NLK: variants seen among roughly 807,000 people sequenced by gnomAD.
NLK encodes serine/threonine-protein kinase NLK.
NLK carries 11 observed loss-of-function variants against 59.0 expected under a neutral mutation model. That is an observed-to-expected ratio of 0.19 (90% CI 0.12 to 0.31). The LOEUF (loss-of-function observed/expected upper bound fraction) is 0.31, where lower values mean the gene tolerates loss of function less well. NLK is among the 10% of genes least tolerant of loss of function. The pLI is 1.00. For synonymous variants in NLK, 235 were observed against 235.9 expected (o/e 1.00, Z 0.03); for missense variants, 410 against 661.1 (o/e 0.62, Z 4.16).
At chr17:28,129,824 T>A (rs991566730) in intron 2 of NLK, among the ~76,000 whole-genome samples, 13 of 152,174 alleles carry the variant, frequency 8.5e-5, no homozygotes, top group Non-Finnish European at 1.9e-4. Context: ...TCACAGGAAT[T>A]ATTTTATTGA....
In NLK at chr17:28,111,011, A is replaced by T. The variant is rs183736636; in HGVS notation, c.459-11592A>T. ...AGGCGCCCGCCACTACGCCCGGCTAATTTTTTGTATTTTTAGTAGAGACGG... is the reference window on the plus strand; with the variant it reads ...AGGCGCCCGCCACTACGCCCGGCTATTTTTTTGTATTTTTAGTAGAGACGG... On this transcript the variant is annotated intron_variant, in intron 1 of 10. Coordinates refer to ENST00000407008, the MANE Select transcript of NLK (RefSeq NM_016231.5). Among the ~76,000 whole-genome samples the T allele has an allele frequency of 6.3e-3, 944 of 150,988 alleles. 10 individuals are homozygous for T. Among genetic ancestry groups the T allele is most frequent in the African/African-American group, 0.022 (912 of 41,120 alleles).
intron 7 of NLK, among the ~76,000 whole-genome samples, chr17:28,175,400 G>A (rs1326007280): frequency 1.3e-5 from 2 of 151,226 alleles, no homozygotes; most frequent in Non-Finnish European, 1.5e-5. Flanking sequence ...GCAGTGAGCC[G>A]AGATCACGCC....
At chr17:28,204,517 T>G in the NLK span, among the ~76,000 whole-genome samples, 1 of 152,210 alleles carries the variant, frequency 6.6e-6, no homozygotes, top group South Asian at 2.1e-4. Flanking sequence ...TGCGCCTGTG[T>G]GTAAGCCATG....
intron 1 of NLK, among the ~76,000 whole-genome samples, chr17:28,062,615 C>A (rs1037922442): frequency 6.6e-6 from 1 of 152,176 alleles, no homozygotes; most frequent in African/African-American, 2.4e-5. Context: ...CAGTCTCATT[C>A]TATTGCCCAG....
At chr17:28,129,611 C>T (rs1906435894) in intron 2 of NLK, among the ~76,000 whole-genome samples, 1 of 151,994 alleles carries the variant, frequency 6.6e-6, no homozygotes, top group Non-Finnish European at 1.5e-5. Flanking sequence ...TAGTCTCTAC[C>T]GTAAAGAACT....
intron 1 of NLK, among the ~76,000 whole-genome samples, chr17:28,084,875 T>G (rs779457913): frequency 6.6e-6 from 1 of 152,130 alleles, no homozygotes; most frequent in Non-Finnish European, 1.5e-5. Context: ...GTCCCTACCT[T>G]TTCTATTTTT....
chr17:28,050,564 C>G (rs1909215883), intron 1 of NLK, among the ~76,000 whole-genome samples: 1 of 151,872 alleles, frequency 6.6e-6, no homozygotes, highest in South Asian at 2.1e-4. Flanking sequence ...CTGCGAATGG[C>G]AACTACTGAA....
intron 1 of NLK, among the ~76,000 whole-genome samples, chr17:28,091,780 A>G (rs1444808430): frequency 1.3e-5 from 2 of 152,210 alleles, no homozygotes; most frequent in Non-Finnish European, 2.9e-5. Context: ...GCAGTATCCC[A>G]GAAGAAACAT....
chr17:28,129,317 G>A (rs953066581), intron 2 of NLK, among the ~76,000 whole-genome samples: 1 of 152,158 alleles, frequency 6.6e-6, no homozygotes, highest in Non-Finnish European at 1.5e-5. Flanking sequence ...GCCGGGCATG[G>A]TGGCGCATGC....
In NLK at chr17:28,194,626, T is replaced by C. The variant is rs904404429; in HGVS notation, c.1574T>C (p.Val525Ala). ...QPSEMPPSPLVWE is the reference protein window; with the variant it reads ...QPSEMPPSPLAWE ...TCTGAGATGCCCCCATCTCCTCTGG[T>C]GTGGGAGTGATGGTGGAAGATAATG... The change falls in exon 11 of 11, where the codon GTG (valine) becomes GCG (alanine). Residue 525 changes from valine (V) to alanine (A), a missense_variant. Around this residue, in one of 5 missense-constraint regions of NLK, gnomAD observed 25 missense variants for 29.7 expected, o/e 0.84. Transcript: ENST00000407008. 6.3e-7 allele frequency: 1 copy of C among 1,595,866 alleles called. No homozygotes were observed. The highest frequency in any genetic ancestry group is 8.6e-7 in the Non-Finnish European group (1 of 1,165,918).
chr17:28,096,719 C>T (rs34835972), intron 1 of NLK, among the ~76,000 whole-genome samples: 51 of 152,222 alleles, frequency 3.4e-4, no homozygotes, highest in Non-Finnish European at 7.1e-4. Flanking sequence ...GCAGAGAGAA[C>T]AGGAAAAAGA....
At chr17:28,169,096 G>A (rs549999879) in intron 6 of NLK, among the ~76,000 whole-genome samples, 1 of 152,098 alleles carries the variant, frequency 6.6e-6, no homozygotes, top group Non-Finnish European at 1.5e-5. Flanking sequence ...GTATTGGCCA[G>A]GCTGGTCTCG....
At position 28,042,950 on chromosome 17, in the gene NLK, G is replaced by A; in HGVS notation, c.77G>A (p.Gly26Asp). The change falls in exon 1 of 11, where the codon GGT (glycine) becomes GAT (aspartate). Residue 26 changes from glycine to aspartate, a missense_variant. Physicochemically the swap from Gly to Asp is moderately conservative, Grantham distance 94. Coordinates refer to ENST00000407008, the MANE Select transcript of NLK (RefSeq NM_016231.5). ...GGCGGTACATCTGCAGCAGCAGCAG[G>A]TCACCACCACCACCATCACCACCAC... ...YNGGTSAAAA[G>D]HHHHHHHHLP... 3.2e-6 allele frequency: 5 copies of A among 1,551,768 alleles called. No individual in the cohort carries two copies. The highest frequency in any genetic ancestry group is 4.4e-6 in the Non-Finnish European group (5 of 1,147,376).
intron 6 of NLK, among the ~76,000 whole-genome samples, chr17:28,172,077 G>A (rs547888302): frequency 1.3e-5 from 2 of 150,878 alleles, no homozygotes; most frequent in East Asian, 3.9e-4. Context: ...ATAGGAATAG[G>A]ATAGATAGGA....
At chr17:28,204,575 C>T in the NLK span, among the ~76,000 whole-genome samples, 1 of 152,210 alleles carries the variant, frequency 6.6e-6, no homozygotes, top group Non-Finnish European at 1.5e-5. Context: ...GCAAGTATTA[C>T]TTGAACCCCC....
At chr17:28,090,178 T>C (rs1265136365) in intron 1 of NLK, among the ~76,000 whole-genome samples, 1 of 152,230 alleles carries the variant, frequency 6.6e-6, no homozygotes, top group Non-Finnish European at 1.5e-5. Context: ...CCTATCACAG[T>C]ATACCTTCAA....
chr17:28,157,488 G>A (rs1907817568), intron 3 of NLK, among the ~76,000 whole-genome samples: 1 of 151,964 alleles, frequency 6.6e-6, no homozygotes, highest in Middle Eastern at 3.2e-3. Context: ...ACCGCACCCG[G>A]CCTATTTCTT....
chr17:28,052,434 G>A (rs1909291091), intron 1 of NLK, among the ~76,000 whole-genome samples: 3 of 152,018 alleles, frequency 2.0e-5, no homozygotes, highest in Admixed American at 2.0e-4. Context: ...TTGCATGTGG[G>A]CCTCCCAGAA....
chr17:28,188,572 G>T (rs1909201986), intron 8 of NLK, among the ~76,000 whole-genome samples: 1 of 152,092 alleles, frequency 6.6e-6, no homozygotes, highest in South Asian at 2.1e-4. Context: ...CCACCTCCTG[G>T]GTTCAAGAGA....
Sources: allele counts gnomAD v4.1 joint callset (sites outside exome capture counted in the v4.1 genomes callset), GRCh38; gene constraint gnomAD v4.1.1; regional missense constraint gnomAD v4.1.1; transcripts MANE v1.5; gene names NCBI Gene and HGNC (gene_info 2026-07-23, HGNC 2026-07-21).